Variants in RASGRP3 observed in about 807,000 individuals in gnomAD.
RASGRP3 encodes the protein ras guanyl-releasing protein 3.
In RASGRP3, 54 loss-of-function variants were observed where a neutral mutation model predicts 82.7. The ratio of observed to expected loss-of-function variants is 0.65; its 90% CI spans 0.52 to 0.82. The LOEUF is 0.82. Ranked by LOEUF, RASGRP3 falls within the 40% of genes least tolerant of loss-of-function variation. The pLI is 0.00. For synonymous variants in RASGRP3, 309 were observed against 300.5 expected (o/e 1.03, Z -0.29); for missense variants, 861 against 828.9 (o/e 1.04, Z -0.48).
intron 1 of RASGRP3, among the ~76,000 whole-genome samples, chr2:33,508,232 G>C (rs1467366756): frequency 1.3e-5 from 2 of 152,088 alleles, no homozygotes; most frequent in Admixed American, 6.6e-5. Flanking sequence ...AGATTCCAAG[G>C]AGAAATTTTG....
chr2:33,486,107 A>T (rs945550521), intron 1 of RASGRP3, among the ~76,000 whole-genome samples: 1 of 152,162 alleles, frequency 6.6e-6, no homozygotes, highest in African/African-American at 2.4e-5. Flanking sequence ...ACATATTTTC[A>T]TACAAGATGA....
chr2:33,469,462 ATTT>A (rs113071930), intron 2 of RASGRP3, among the ~76,000 whole-genome samples: 2 of 141,764 alleles, frequency 1.4e-5, no homozygotes, highest in Non-Finnish European at 1.5e-5. Flanking sequence ...TTTGTATGTG[ATTT>A]TTTTTTTTTT....
chr2:33,532,176 G>A (rs1004271782), intron 10 of RASGRP3: 19 of 152,132 alleles, frequency 1.2e-4, no homozygotes, highest in African/African-American at 3.9e-4. Context: ...TGGCCCATAC[G>A]GAATCCTAAA....
intron 1 of RASGRP3, among the ~76,000 whole-genome samples, chr2:33,478,456 A>T (rs1667575062): frequency 6.6e-6 from 1 of 152,104 alleles, no homozygotes; most frequent in Non-Finnish European, 1.5e-5. Flanking sequence ...ACAGGTTGAT[A>T]GTGGAAGAGA....
Position 33,507,751 on chromosome 2 carries a change from C to A in RASGRP3, c.-260-3959C>A, listed in dbSNP as rs184461977. Among the ~76,000 whole-genome samples, 996 of 152,304 alleles carry A rather than the reference C, an allele frequency of 6.5e-3. 13 individuals are homozygous for A. Among genetic ancestry groups the A allele is most frequent in the African/African-American group, 0.023 (964 of 41,574 alleles). ...ATGTTGGCCAGGCTGGTCTCGAACT[C>A]CTGACCTCAAGTGATCCACCCGCCA... On this transcript the variant is annotated intron_variant, in intron 1 of 17. Transcript: ENST00000403687.
At position 33,516,575 on chromosome 2, in the gene RASGRP3, C is replaced by A; in HGVS notation, c.104C>A (p.Pro35Gln). 2 of 1,592,060 alleles carry A rather than the reference C, an allele frequency of 1.3e-6. No individual in the cohort carries two copies. Among genetic ancestry groups the A allele is most frequent in the Non-Finnish European group, 1.7e-6 (2 of 1,164,608 alleles). ...GGAGAGCTGGATAATAGTTATTTGC[C>A]AAGAATAGTTCTACTGATGCACCGA... ...DNGELDNSYL[P>Q]RIVLLMHRWY... The change falls in exon 4 of 18, where the codon CCA becomes CAA. Residue 35 changes from proline to glutamine, a missense_variant. Physicochemically the swap from Pro to Gln is moderately conservative, Grantham distance 76 (BLOSUM62 -1). Coordinates refer to ENST00000403687, the MANE Select transcript of RASGRP3 (RefSeq NM_001139488.2).
intron 9 of RASGRP3, among the ~76,000 whole-genome samples, chr2:33,526,399 G>A (rs1331530229): frequency 3.3e-5 from 5 of 152,174 alleles, no homozygotes; most frequent in African/African-American, 7.2e-5. Flanking sequence ...CAGAAGTACC[G>A]TTGTTTGACC....
chr2:33,552,875 C>T (rs2151099726), intron 14 of RASGRP3, among the ~76,000 whole-genome samples: 1 of 152,348 alleles, frequency 6.6e-6, no homozygotes, highest in East Asian at 1.9e-4. Context: ...GTGTGCCTTA[C>T]ACCACAATTA....
chr2:33,454,607 A>G (rs1665949383), intron 2 of RASGRP3, among the ~76,000 whole-genome samples: 1 of 152,226 alleles, frequency 6.6e-6, no homozygotes, highest in African/African-American at 2.4e-5. Flanking sequence ...AGAAGAGATC[A>G]AAGGGTTTTT....
At chr2:33,471,341 A>T (rs996225404) in intron 2 of RASGRP3, among the ~76,000 whole-genome samples, 183 of 106,626 alleles carry the variant, frequency 1.7e-3, no homozygotes, top group South Asian at 2.5e-3. Flanking sequence ...ACACTGGGCT[A>T]TTTTTTTTTT....
At chr2:33,540,611 G>A (rs1490234707) in intron 12 of RASGRP3, among the ~76,000 whole-genome samples, 1 of 96,894 alleles carries the variant, frequency 1.0e-5, no homozygotes, top group Admixed American at 1.2e-4. Flanking sequence ...TGTGTCTGGG[G>A]AATTTCTCTC....
At chr2:33,495,907 G>T (rs1669262989) in intron 1 of RASGRP3, among the ~76,000 whole-genome samples, 1 of 152,160 alleles carries the variant, frequency 6.6e-6, no homozygotes, top group South Asian at 2.1e-4. Context: ...TCAGTCAGTT[G>T]CTGCTCAGCT....
At position 33,558,320 on chromosome 2, in the gene RASGRP3, C is replaced by G. The variant is rs1427585150; in HGVS notation, c.1689C>G (p.Ser563Arg). 1.2e-6 allele frequency: 2 copies of G among 1,613,454 alleles called. No homozygotes were observed. Among genetic ancestry groups the G allele is most frequent in the South Asian group, 2.2e-5 (2 of 90,996 alleles). Residue 563 changes from serine (S) to arginine (R), a missense_variant, in exon 16 of 18, where the codon AGC (serine) becomes AGG (arginine). Physicochemically the swap from Ser to Arg is moderately radical, Grantham distance 110. Coordinates refer to ENST00000403687, the MANE Select transcript of RASGRP3 (RefSeq NM_001139488.2). ...GTGGTCATGGGTCACTGCCTGGAAG[C>G]CCCTCGCTGCCCCCAGGTAATGCCC... ...LSSGHGSLPG[S>R]PSLPPAQDEV...
intron 10 of RASGRP3, chr2:33,532,172 A>G (rs1393743533): frequency 6.6e-6 from 1 of 152,226 alleles, no homozygotes; most frequent in Non-Finnish European, 1.5e-5. Flanking sequence ...TATTTGGCCC[A>G]TACGGAATCC....
At chr2:33,533,884 CA>C (rs1673339185) in intron 10 of RASGRP3, 1 of 162,294 alleles carries the variant, frequency 6.2e-6, no homozygotes. Flanking sequence ...CAGCTTGCCT[CA>C]CTAGGACTTA....
At chr2:33,500,250 C>G (rs889208182) in intron 1 of RASGRP3, among the ~76,000 whole-genome samples, 3 of 152,016 alleles carry the variant, frequency 2.0e-5, no homozygotes, top group Admixed American at 2.0e-4. Context: ...AAAGGACTTT[C>G]TATTTATGTA....
intron 10 of RASGRP3, among the ~76,000 whole-genome samples, chr2:33,528,641 T>C (rs1232232217): frequency 6.6e-6 from 1 of 152,184 alleles, no homozygotes; most frequent in Non-Finnish European, 1.5e-5. Context: ...TCTGCTGCAT[T>C]GGAATAGGAG....
intron 2 of RASGRP3, among the ~76,000 whole-genome samples, chr2:33,461,479 T>C (rs1328695217): frequency 1.3e-5 from 2 of 152,230 alleles, no homozygotes; most frequent in Non-Finnish European, 2.9e-5. Flanking sequence ...GGTTTCGCCA[T>C]GTTGGCCAGG....
At chr2:33,551,413 C>G (rs563363454) in intron 14 of RASGRP3, among the ~76,000 whole-genome samples, 1 of 152,306 alleles carries the variant, frequency 6.6e-6, no homozygotes, top group African/African-American at 2.4e-5. Context: ...TGGGGCCGTG[C>G]ATAACACGCT....
Sources: gnomAD v4.1 joint callset for allele counts (sites outside exome capture counted in the v4.1 genomes callset) on GRCh38, gnomAD v4.1.1 for gene constraint, MANE v1.5 for transcripts, NCBI Gene and HGNC (gene_info 2026-07-23, HGNC 2026-07-21) for gene names.